Variants in DTD1 observed in about 807,000 individuals in gnomAD.
DTD1 encodes the protein D-aminoacyl-tRNA deacylase 1.
A neutral mutation model predicts 25.6 loss-of-function variants in DTD1; 13 were observed. That is an observed-to-expected ratio of 0.51 (90% confidence interval 0.33 to 0.81). The LOEUF is 0.81. Among genes scored for constraint, DTD1 ranks in the 30% least tolerant of loss-of-function variants. The pLI, the probability that DTD1 is intolerant of heterozygous loss-of-function variation, is 0.02. For missense variants in DTD1, 193 were observed against 266.4 expected, an observed-to-expected ratio of 0.72 and a Z score of 1.92; for synonymous variants, 110 against 103.6, an observed-to-expected ratio of 1.06 and a Z score of -0.37.
chr20:18,715,232 TA>T (rs1233636015), intron 4 of DTD1, among the ~76,000 whole-genome samples: 3 of 152,134 alleles, frequency 2.0e-5, no homozygotes, highest in African/African-American at 7.2e-5. Context: ...GCCCTGTCCC[TA>T]AACTTGTACT....
chr20:18,727,174 T>G (rs2061225441), intron 4 of DTD1, among the ~76,000 whole-genome samples: 1 of 152,208 alleles, frequency 6.6e-6, no homozygotes, highest in Non-Finnish European at 1.5e-5. Context: ...CAGAGGGGCC[T>G]GCCTGAGCTT....
intron 4 of DTD1, among the ~76,000 whole-genome samples, chr20:18,701,400 T>C (rs2061104008): frequency 2.0e-5 from 3 of 152,268 alleles, no homozygotes; most frequent in African/African-American, 7.2e-5. Flanking sequence ...AGTAGGGTAG[T>C]TCCTAATGAT....
chr20:18,740,530 AG>A (rs1455224643), intron 4 of DTD1, among the ~76,000 whole-genome samples: 1 of 152,246 alleles, frequency 6.6e-6, no homozygotes, highest in Non-Finnish European at 1.5e-5. Flanking sequence ...TGCTGGCAGC[AG>A]AAGGCAGCTT....
intron 4 of DTD1, among the ~76,000 whole-genome samples, chr20:18,722,385 A>G (rs938642991): frequency 1.3e-5 from 2 of 152,166 alleles, no homozygotes; most frequent in Admixed American, 6.5e-5. Flanking sequence ...AAGTGGAGCA[A>G]TGCATATGGA....
At chr20:18,679,573 G>T (rs1489710894) in intron 4 of DTD1, among the ~76,000 whole-genome samples, 4 of 152,182 alleles carry the variant, frequency 2.6e-5, no homozygotes, top group Non-Finnish European at 5.9e-5. Flanking sequence ...CTGCTGTTGA[G>T]AACTGACCTA....
intron 3 of DTD1, among the ~76,000 whole-genome samples, chr20:18,598,395 G>C (rs1054032233): frequency 2.0e-4 from 30 of 152,234 alleles, no homozygotes; most frequent in Middle Eastern, 3.4e-3. Context: ...CATTTGGGTT[G>C]GTTCCAAGTC....
chr20:18,657,016 GT>G (rs747438410), intron 4 of DTD1, among the ~76,000 whole-genome samples: 6 of 151,772 alleles, frequency 4.0e-5, no homozygotes, highest in African/African-American at 1.5e-4. Flanking sequence ...CTTAATGGTT[GT>G]TTTTTTTGTA....
intron 4 of DTD1, among the ~76,000 whole-genome samples, chr20:18,645,031 G>A (rs967849320): frequency 1.3e-5 from 2 of 152,126 alleles, no homozygotes; most frequent in Admixed American, 6.5e-5. Flanking sequence ...CACGTTTGTA[G>A]TCCCAGCCAG....
intron 4 of DTD1, among the ~76,000 whole-genome samples, chr20:18,652,832 A>G (rs778807934): frequency 2.0e-5 from 3 of 152,212 alleles, no homozygotes; most frequent in Non-Finnish European, 4.4e-5. Flanking sequence ...CTCTATGCAG[A>G]TATGGGGTGG....
intron 5 of DTD1, among the ~76,000 whole-genome samples, chr20:18,760,856 G>T (rs1172636743): frequency 6.6e-6 from 1 of 152,194 alleles, no homozygotes; most frequent in Admixed American, 6.5e-5. Flanking sequence ...AGGCAGGCAG[G>T]CCTCCTTGAG....
intron 3 of DTD1, among the ~76,000 whole-genome samples, chr20:18,603,346 T>C (rs199744769): frequency 0.079 from 7,436 of 94,066 alleles, 249 homozygotes; most frequent in Middle Eastern, 0.092. Context: ...CACCCCACTG[T>C]CAACATTAGA....
At chr20:18,648,437 A>T (rs1289919873) in intron 4 of DTD1, among the ~76,000 whole-genome samples, 4 of 152,204 alleles carry the variant, frequency 2.6e-5, no homozygotes, top group Non-Finnish European at 5.9e-5. Context: ...AGGGACCAGG[A>T]TGACAAGAGA....
intron 4 of DTD1, among the ~76,000 whole-genome samples, chr20:18,729,341 G>T (rs1728316989): frequency 6.6e-6 from 1 of 152,226 alleles, no homozygotes; most frequent in African/African-American, 2.4e-5. Flanking sequence ...TTTCTTTTCA[G>T]AAGTAAATGG....
intron 4 of DTD1, among the ~76,000 whole-genome samples, chr20:18,677,391 A>C (rs554156123): frequency 6.6e-6 from 1 of 151,990 alleles, no homozygotes; most frequent in Non-Finnish European, 1.5e-5. Flanking sequence ...AGATGCTCCT[A>C]GTTTATGTTG....
At chr20:18,742,765 C>T (rs1452095196) in intron 4 of DTD1, among the ~76,000 whole-genome samples, 2 of 152,162 alleles carry the variant, frequency 1.3e-5, no homozygotes, top group East Asian at 3.9e-4. Context: ...TTGAGAGCTA[C>T]TGGTTGGTTG....
chr20:18,642,556 A>G (rs2060833363), intron 4 of DTD1, among the ~76,000 whole-genome samples: 1 of 152,126 alleles, frequency 6.6e-6, no homozygotes, highest in South Asian at 2.1e-4. Flanking sequence ...AGTATGAGCC[A>G]CCGCACCTGG....
At chr20:18,722,166 A>G (rs1300170943) in intron 4 of DTD1, among the ~76,000 whole-genome samples, 1 of 152,120 alleles carries the variant, frequency 6.6e-6, no homozygotes. Context: ...ACTCTCCTCT[A>G]GCTATGCCCT....
chr20:18,732,268 C>G lies in DTD1; in HGVS notation c.478-11832C>G, dbSNP rs117563679. On this transcript the variant is annotated intron_variant, in intron 4 of 5. Coordinates refer to ENST00000377452, the MANE Select transcript of DTD1 (RefSeq NM_080820.6). ...ACTGTTAGTTTAAAATGCTCATGAACAGTGTTCTGTTACCAATTATGCATT... is the reference window on the plus strand; with the variant it reads ...ACTGTTAGTTTAAAATGCTCATGAAGAGTGTTCTGTTACCAATTATGCATT... 7.8e-3 allele frequency among the ~76,000 whole-genome samples: 1,187 copies of G among 152,302 alleles called. 8 individuals carry two copies. The highest frequency in any genetic ancestry group is 0.012 in the Non-Finnish European group (849 of 68,020).
At chr20:18,651,329 T>G (rs1288950129) in intron 4 of DTD1, among the ~76,000 whole-genome samples, 1 of 152,190 alleles carries the variant, frequency 6.6e-6, no homozygotes, top group Non-Finnish European at 1.5e-5. Context: ...TTTTTGTATT[T>G]TTAGTAGAGA....
Sources: allele counts gnomAD v4.1 joint callset (sites outside exome capture counted in the v4.1 genomes callset), GRCh38; gene constraint gnomAD v4.1.1; transcripts MANE v1.5; gene names NCBI Gene and HGNC (gene_info 2026-07-23, HGNC 2026-07-21).